The following PCSK2 variants were observed in gnomAD, a reference collection of about 807,000 sequenced individuals.
PCSK2 encodes neuroendocrine convertase 2.
In PCSK2, 14 loss-of-function variants were observed where a neutral mutation model predicts 69.7. That is an observed-to-expected ratio of 0.20 (90% confidence interval 0.13 to 0.31). The LOEUF is 0.31. Among genes scored for constraint, PCSK2 ranks in the 10% least tolerant of loss-of-function variants. The pLI is 1.00. For missense variants in PCSK2, 544 were observed against 842.5 expected, an observed-to-expected ratio of 0.65 and a Z score of 4.39; for synonymous variants, 307 against 320.7, an observed-to-expected ratio of 0.96 and a Z score of 0.46.
chr20:17,253,638 T>A (rs1987073924), intron 1 of PCSK2, among the ~76,000 whole-genome samples: 1 of 152,254 alleles, frequency 6.6e-6, no homozygotes, highest in African/African-American at 2.4e-5. Context: ...TTTCTAGTTT[T>A]TGACTATCAT....
intron 2 of PCSK2, among the ~76,000 whole-genome samples, chr20:17,263,697 G>C (rs988109506): frequency 2.6e-5 from 4 of 152,174 alleles, no homozygotes; most frequent in Admixed American, 1.3e-4. Context: ...ACCAATGACT[G>C]TTTCATTACT....
chr20:17,311,102 G>A (rs2123111922), intron 2 of PCSK2, among the ~76,000 whole-genome samples: 1 of 151,904 alleles, frequency 6.6e-6, no homozygotes, highest in South Asian at 2.1e-4. Flanking sequence ...AACAACTAGA[G>A]TAGTTTGAGC....
At chr20:17,273,107 T>A (rs1267648278) in intron 2 of PCSK2, among the ~76,000 whole-genome samples, 1 of 152,138 alleles carries the variant, frequency 6.6e-6, no homozygotes, top group Non-Finnish European at 1.5e-5. Flanking sequence ...GACACTCAAG[T>A]GTAGACCAAA....
chr20:17,368,070 G>A (rs745825163), intron 4 of PCSK2, among the ~76,000 whole-genome samples: 9 of 151,664 alleles, frequency 5.9e-5, no homozygotes, highest in South Asian at 2.1e-4. Context: ...TTGTATAACC[G>A]GAAAAAAAAA....
chr20:17,321,327 A>T (rs981460297), intron 2 of PCSK2, among the ~76,000 whole-genome samples: 1 of 152,232 alleles, frequency 6.6e-6, no homozygotes, highest in Non-Finnish European at 1.5e-5. Flanking sequence ...GAAGTATGTA[A>T]GCAGCCCATC....
Position 17,482,027 on chromosome 20 carries a change from A to G in PCSK2, c.1874A>G (p.Glu625Gly). 6.2e-7 allele frequency: 1 copy of G among 1,609,786 alleles called. No individual in the cohort carries two copies. Among genetic ancestry groups the G allele is most frequent in the Non-Finnish European group, 8.5e-7 (1 of 1,178,766 alleles). Reference protein sequence around the residue: ...KKEELEEELDEAVERSLKSIL... With the variant: ...KKEELEEELDGAVERSLKSIL... The stretch of plus-strand genomic sequence containing the variant: ...GAGGAGCTGGAGGAAGAGCTGGACG[A>G]AGCCGTGGAGAGAAGCCTGAAAAGC... The change falls in exon 12 of 12, where the codon GAA (glutamate) becomes GGA (glycine). Residue 625 changes from glutamate (E) to glycine (G), a missense_variant. This residue lies in a region of PCSK2 where 200 missense variants were observed against 287.8 expected (regional missense o/e 0.69). Transcript: ENST00000262545.
chr20:17,462,659 C>T (rs1174869312), intron 10 of PCSK2, among the ~76,000 whole-genome samples: 5 of 152,202 alleles, frequency 3.3e-5, no homozygotes, highest in Non-Finnish European at 5.9e-5. Flanking sequence ...AGAGTTAGCA[C>T]GATGCCTGAA....
intron 8 of PCSK2, among the ~76,000 whole-genome samples, chr20:17,437,090 C>T (rs775104114): frequency 8.6e-5 from 13 of 151,662 alleles, no homozygotes; most frequent in Non-Finnish European, 1.8e-4. Context: ...AAGCCTCAGA[C>T]GCGATGCCTA....
chr20:17,358,272 A>C, intron 2 of PCSK2, 55 bp from the exon 3 acceptor site: 1 of 1,088,332 alleles, frequency 9.2e-7, no homozygotes, highest in Non-Finnish European at 1.4e-6. Context: ...AACAAATTCC[A>C]GAAGACAGAA....
At chr20:17,440,141 G>A (rs2032566766) in intron 8 of PCSK2, among the ~76,000 whole-genome samples, 1 of 152,210 alleles carries the variant, frequency 6.6e-6, no homozygotes, top group Admixed American at 6.5e-5. Context: ...GGGAACTTCA[G>A]ACTAGTCGAT....
At chr20:17,372,207 G>A (rs1180569997) in intron 5 of PCSK2, among the ~76,000 whole-genome samples, 3 of 151,922 alleles carry the variant, frequency 2.0e-5, no homozygotes, top group Admixed American at 6.6e-5. Context: ...GTGAAACCCC[G>A]TCTCTACTAA....
intron 1 of PCSK2, among the ~76,000 whole-genome samples, chr20:17,239,619 A>G (rs1424642983): frequency 6.6e-6 from 1 of 152,148 alleles, no homozygotes; most frequent in Non-Finnish European, 1.5e-5. Flanking sequence ...AAGCCAATGG[A>G]CCAAGAAATT....
chr20:17,268,234 A>AT (rs1212863066), intron 2 of PCSK2, among the ~76,000 whole-genome samples: 1 of 152,078 alleles, frequency 6.6e-6, no homozygotes, highest in Non-Finnish European at 1.5e-5. Context: ...ATACTGAAAT[A>AT]TAACAGTGAA....
chr20:17,435,987 C>T (rs2032477346), intron 7 of PCSK2, among the ~76,000 whole-genome samples: 1 of 152,222 alleles, frequency 6.6e-6, no homozygotes, highest in East Asian at 1.9e-4. Context: ...GTGTCCCACA[C>T]TATCCTGGAC....
intron 5 of PCSK2, among the ~76,000 whole-genome samples, chr20:17,392,370 A>T (rs17715173): frequency 0.09 from 13,773 of 152,326 alleles, 738 homozygotes; most frequent in Non-Finnish European, 0.12. Flanking sequence ...ATTCCAAAGC[A>T]GTGATTAGAA....
chr20:17,267,000 A>C (rs1172884870), intron 2 of PCSK2, among the ~76,000 whole-genome samples: 3 of 152,096 alleles, frequency 2.0e-5, no homozygotes, highest in African/African-American at 7.2e-5. Context: ...CACTTCACTC[A>C]ATTTGTCTGT....
chr20:17,427,492 AGCTGTGAACCCTG>A (rs2032272897), intron 6 of PCSK2, among the ~76,000 whole-genome samples: 1 of 152,224 alleles, frequency 6.6e-6, no homozygotes, highest in African/African-American at 2.4e-5. Flanking sequence ...CTGACAGTCC[AGCTGTGAACCCTG>A]GCTCCCCACA....
At chr20:17,396,230 C>A (rs2031508318) in intron 5 of PCSK2, among the ~76,000 whole-genome samples, 1 of 152,218 alleles carries the variant, frequency 6.6e-6, no homozygotes, top group East Asian at 1.9e-4. Context: ...CTATTGTAGA[C>A]CCTTGACTGT....
chr20:17,306,038 G>T (rs114047409), intron 2 of PCSK2, among the ~76,000 whole-genome samples: 2,199 of 152,274 alleles, frequency 0.014, 50 homozygotes, highest in African/African-American at 0.05. Flanking sequence ...CATGAATAAC[G>T]TTTTGGTACT....
Sources: allele counts gnomAD v4.1 joint callset (sites outside exome capture counted in the v4.1 genomes callset), GRCh38; gene constraint gnomAD v4.1.1; regional missense constraint gnomAD v4.1.1; transcripts MANE v1.5; gene names NCBI Gene and HGNC (gene_info 2026-07-23, HGNC 2026-07-21).